MTMR7: variants seen among roughly 807,000 people sequenced by gnomAD.
The protein encoded by MTMR7 is phosphatidylinositol-3-phosphate phosphatase MTMR7.
In MTMR7, 76 loss-of-function variants were observed where a neutral mutation model predicts 81.2. That is an observed-to-expected ratio of 0.94 (90% CI 0.78 to 1.13). MTMR7 has a LOEUF of 1.13. Among genes scored for constraint, MTMR7 ranks in the 50% most tolerant of loss-of-function variants. MTMR7 has a pLI of 0.00. For missense variants in MTMR7, 1,044 were observed against 820.0 expected, an observed-to-expected ratio of 1.27 and a Z score of -3.34; for synonymous variants, 372 against 289.8, an observed-to-expected ratio of 1.28 and a Z score of -2.88.
chr8:17,388,702 C>T (rs762096423), intron 1 of MTMR7, among the ~76,000 whole-genome samples: 1 of 151,854 alleles, frequency 6.6e-6, no homozygotes, highest in Non-Finnish European at 1.5e-5. Flanking sequence ...CCAAATAGAA[C>T]TTACTAACCA....
chr8:17,324,672 C>G (rs563500221), intron 7 of MTMR7, among the ~76,000 whole-genome samples: 2 of 152,354 alleles, frequency 1.3e-5, no homozygotes, highest in East Asian at 1.9e-4. Flanking sequence ...GGCTGCTGGT[C>G]TAGCAGAACA....
chr8:17,302,391 C>T (rs1439022412), intron 12 of MTMR7, 111 bp from the exon 13 acceptor site: 5 of 1,244,096 alleles, frequency 4.0e-6, no homozygotes, highest in Admixed American at 2.8e-5. Flanking sequence ...TAACCAAATG[C>T]AAATTTCAGC....
chr8:17,361,329 A>G, intron 3 of MTMR7, 55 bp from the exon 4 acceptor site: 1 of 1,598,176 alleles, frequency 6.3e-7, no homozygotes. Context: ...CCAGAGCCAA[A>G]TCTCCCCGAA....
chr8:17,334,221 A>G (rs1040924214), intron 6 of MTMR7, among the ~76,000 whole-genome samples: 2 of 152,218 alleles, frequency 1.3e-5, no homozygotes, highest in African/African-American at 4.8e-5. Context: ...TATCCTGATA[A>G]TGTAGCAAAA....
intron 1 of MTMR7, among the ~76,000 whole-genome samples, chr8:17,377,463 GT>G (rs1306964481): frequency 6.6e-6 from 1 of 151,898 alleles, no homozygotes. Context: ...ACAGGCAAAG[GT>G]TTTTCTTTAA....
At chr8:17,330,611 A>G (rs1197729602) in intron 7 of MTMR7, among the ~76,000 whole-genome samples, 1 of 152,220 alleles carries the variant, frequency 6.6e-6, no homozygotes, top group African/African-American at 2.4e-5. Flanking sequence ...CGAGTATATA[A>G]GTCTGTGGGT....
At chr8:17,328,795 CTA>C (rs1818832893) in intron 7 of MTMR7, among the ~76,000 whole-genome samples, 1 of 152,184 alleles carries the variant, frequency 6.6e-6, no homozygotes, top group Admixed American at 6.5e-5. Context: ...AAAAGGGAAA[CTA>C]TCGTGAAAAT....
intron 1 of MTMR7, among the ~76,000 whole-genome samples, chr8:17,405,430 T>C (rs894027224): frequency 2.0e-5 from 3 of 152,166 alleles, no homozygotes; most frequent in East Asian, 1.9e-4. Flanking sequence ...GCAGTCCATA[T>C]GGATGCTGCA....
chr8:17,309,978 T>G (rs1235394489), intron 9 of MTMR7, among the ~76,000 whole-genome samples: 1 of 152,114 alleles, frequency 6.6e-6, no homozygotes, highest in Non-Finnish European at 1.5e-5. Context: ...TTTATTTTGG[T>G]TTTGTATTTT....
Position 17,299,062 on chromosome 8 carries a change from C to G in MTMR7, c.*800G>C, listed in dbSNP as rs543974075. ...CAGGCTGGTGGCTGGCCCACACTGT[C>G]GGTAGTGTAGTCTCTAGAACAGTAA... On this transcript the variant is annotated 3_prime_UTR_variant, in exon 14 of 14. Transcript: ENST00000180173. 2.0e-5 allele frequency: 3 copies of G among 152,248 alleles called. No homozygotes were observed. The allele number at this position is 152,248 out of a possible 1,614,324, so 9.4% of individuals were successfully genotyped here.
At chr8:17,368,713 C>G (rs562227490) in intron 3 of MTMR7, among the ~76,000 whole-genome samples, 36 of 152,284 alleles carry the variant, frequency 2.4e-4, no homozygotes, top group African/African-American at 8.7e-4. Flanking sequence ...TGCTTGTGAT[C>G]TGTTTCACCT....
chr8:17,413,111 C>T (rs1821781246), intron 1 of MTMR7, among the ~76,000 whole-genome samples, 158 bp downstream of exon 1: 1 of 152,198 alleles, frequency 6.6e-6, no homozygotes, highest in Non-Finnish European at 1.5e-5. Flanking sequence ...GGCTCGCAGG[C>T]ACCCCGGGAT....
chr8:17,408,459 T>C (rs1487913733), intron 1 of MTMR7, among the ~76,000 whole-genome samples: 1 of 151,822 alleles, frequency 6.6e-6, no homozygotes, highest in East Asian at 1.9e-4. Context: ...GAAGACTTCC[T>C]TTCTTTCTTT....
chr8:17,378,148 G>C (rs912000302), intron 1 of MTMR7, among the ~76,000 whole-genome samples: 3 of 152,022 alleles, frequency 2.0e-5, no homozygotes, highest in Non-Finnish European at 2.9e-5. Flanking sequence ...TGCTGCTGCA[G>C]GAAAGTCACA....
chr8:17,411,857 G>A (rs1821744115), intron 1 of MTMR7, among the ~76,000 whole-genome samples: 1 of 152,232 alleles, frequency 6.6e-6, no homozygotes, highest in Non-Finnish European at 1.5e-5. Flanking sequence ...CCATGTCACT[G>A]TATCATTCTT....
chr8:17,356,167 T>A (rs1819883299), intron 4 of MTMR7, among the ~76,000 whole-genome samples: 2 of 152,180 alleles, frequency 1.3e-5, no homozygotes, highest in Admixed American at 1.3e-4. Flanking sequence ...ATATTCACCA[T>A]ATTGTGTCTT....
chr8:17,377,199 C>A (rs891891081), intron 1 of MTMR7, among the ~76,000 whole-genome samples: 1 of 152,034 alleles, frequency 6.6e-6, no homozygotes, highest in Non-Finnish European at 1.5e-5. Flanking sequence ...TTAGTTGAAA[C>A]AAGTATAGTA....
chr8:17,308,507 T>C (rs780187940), intron 10 of MTMR7, among the ~76,000 whole-genome samples: 3 of 152,222 alleles, frequency 2.0e-5, no homozygotes, highest in African/African-American at 4.8e-5. Context: ...AGCAGTTGCA[T>C]GCATTTAGAA....
At chr8:17,369,651 T>C (rs898363009) in intron 3 of MTMR7, among the ~76,000 whole-genome samples, 3 of 145,344 alleles carry the variant, frequency 2.1e-5, no homozygotes, top group South Asian at 4.5e-4. Flanking sequence ...CTTTTTTTTT[T>C]TTTTTTTTTT....
Sources: gnomAD v4.1 joint callset for allele counts (sites outside exome capture counted in the v4.1 genomes callset) on GRCh38, gnomAD v4.1.1 for gene constraint, MANE v1.5 for transcripts, NCBI Gene and HGNC (gene_info 2026-07-23, HGNC 2026-07-21) for gene names.